INTS9: variants seen among roughly 807,000 people sequenced by gnomAD.
INTS9 encodes protein related to CPSF subunits of 74 kDa.
A neutral mutation model predicts 79.7 loss-of-function variants in INTS9; 55 were observed. That is an observed-to-expected ratio of 0.69 (90% CI 0.56 to 0.86). The LOEUF is 0.86. Ranked by LOEUF, INTS9 falls within the 40% of genes least tolerant of loss-of-function variation. The probability of loss-of-function intolerance (pLI) is 0.00; values close to 1 mark genes in which losing one functional copy is unlikely to be tolerated. For synonymous variants in INTS9, 319 were observed against 325.2 expected (o/e 0.98, Z 0.20); for missense variants, 721 against 831.5 (o/e 0.87, Z 1.64).
intron 1 of INTS9, among the ~76,000 whole-genome samples, chr8:28,863,330 A>G (rs915384675): frequency 6.6e-6 from 1 of 152,242 alleles, no homozygotes; most frequent in African/African-American, 2.4e-5. Flanking sequence ...TTAATTAAAA[A>G]GCTACAAGTT....
chr8:28,813,167 A>G (rs989190461), intron 7 of INTS9, among the ~76,000 whole-genome samples: 8 of 152,190 alleles, frequency 5.3e-5, no homozygotes, highest in African/African-American at 1.9e-4. Flanking sequence ...CATTTAGGTC[A>G]GAGCTCAAAA....
intron 1 of INTS9, among the ~76,000 whole-genome samples, chr8:28,887,663 C>G (rs1810241206): frequency 6.6e-6 from 1 of 152,224 alleles, no homozygotes; most frequent in Admixed American, 6.5e-5. Flanking sequence ...GGAGGCATGA[C>G]ACACCCATCT....
intron 5 of INTS9, 47 bp downstream of exon 5, chr8:28,837,590 G>A (rs779158647): frequency 4.4e-6 from 7 of 1,589,820 alleles, no homozygotes; most frequent in Non-Finnish European, 5.1e-6. Context: ...CACTGAGGGA[G>A]GAGCTCCGCA....
chr8:28,787,814 ATTTTG>A lies in INTS9; in HGVS notation c.1098+10_1098+14del, dbSNP rs768621140. 6.3e-7 allele frequency: 1 copy of A among 1,591,170 alleles called. No homozygotes were observed. The highest frequency in any genetic ancestry group is 1.3e-5 in the African/African-American group (1 of 74,624). ...ATTGCTTCCTTCCCATGTCCCAGTG[ATTTTG>A]TTTTCTTACCTCTGCATGAGGAAAA... On this transcript the variant is annotated intron_variant, in intron 11 of 16. Coordinates refer to ENST00000521022, the MANE Select transcript of INTS9 (RefSeq NM_018250.4).
chr8:28,783,771 GT>G (rs1415153301), intron 11 of INTS9: 1 of 152,192 alleles, frequency 6.6e-6, no homozygotes, highest in African/African-American at 2.4e-5. Context: ...TAGTCTGCAA[GT>G]TGAACTGACA....
At chr8:28,774,803 A>G (rs752005322) in intron 14 of INTS9, among the ~76,000 whole-genome samples, 2 of 152,222 alleles carry the variant, frequency 1.3e-5, no homozygotes, top group Non-Finnish European at 2.9e-5. Context: ...AGCCAGAGGT[A>G]GCCTCCAACC....
At chr8:28,807,707 G>A (rs1804887427) in intron 8 of INTS9, among the ~76,000 whole-genome samples, 2 of 152,128 alleles carry the variant, frequency 1.3e-5, no homozygotes, top group African/African-American at 4.8e-5. Flanking sequence ...TCAGAAAGTT[G>A]GGGATAAAGG....
At chr8:28,885,782 C>A (rs908499089) in intron 1 of INTS9, among the ~76,000 whole-genome samples, 4 of 152,176 alleles carry the variant, frequency 2.6e-5, no homozygotes, top group Non-Finnish European at 5.9e-5. Flanking sequence ...GCTGAACTGG[C>A]CATCAGCGTA....
chr8:28,877,504 C>G (rs1205874743), intron 1 of INTS9, among the ~76,000 whole-genome samples: 1 of 152,002 alleles, frequency 6.6e-6, no homozygotes, highest in Non-Finnish European at 1.5e-5. Context: ...TGCAATAAAC[C>G]TTAATAAAAA....
At chr8:28,792,810 G>C (rs187298821) in intron 10 of INTS9, among the ~76,000 whole-genome samples, 116 of 152,144 alleles carry the variant, frequency 7.6e-4, no homozygotes, top group African/African-American at 2.6e-3. Context: ...CTTCTTCGGA[G>C]GCTGAGGCAG....
Position 28,768,074 on chromosome 8 carries a change from C to T in INTS9, c.*72G>A, listed in dbSNP as rs1802311222. The T allele has an allele frequency of 1.4e-6, 2 of 1,421,726 alleles. No individual in the cohort carries two copies. Among genetic ancestry groups the T allele is most frequent in the Non-Finnish European group, 2.0e-6 (2 of 1,012,282 alleles). 88.1% of individuals were successfully genotyped at this position (1,421,726 alleles called of 1,614,324 possible). A position where few individuals can be genotyped will look rare whatever the true frequency, so the allele number is the denominator to read the frequency against. Reference sequence around the variant, plus strand: ...ACACAGTTAATGGCCTCTCATGCCACTCCTCAGGTGGCTTGTGAGGGCAGC... The same window carrying T: ...ACACAGTTAATGGCCTCTCATGCCATTCCTCAGGTGGCTTGTGAGGGCAGC... On this transcript the variant is annotated 3_prime_UTR_variant, in exon 17 of 17. Transcript: ENST00000521022.
intron 8 of INTS9, among the ~76,000 whole-genome samples, chr8:28,801,838 C>A (rs1302475824): frequency 1.3e-5 from 2 of 152,156 alleles, no homozygotes; most frequent in Non-Finnish European, 2.9e-5. Flanking sequence ...GTCTCAAACT[C>A]CTGGGCTCAA....
rs140749516 is a variant in INTS9, at chr8:28,863,677, A to G, written c.10-4114T>C. On this transcript the variant is annotated intron_variant, in intron 1 of 16. Transcript: ENST00000521022. ...TGTAATCCCAGCTACTTGTGAGGCTAAGGCTGAGGCAGGAGAATCATTTGA... is the reference window on the plus strand; with the variant it reads ...TGTAATCCCAGCTACTTGTGAGGCTGAGGCTGAGGCAGGAGAATCATTTGA... Among the ~76,000 whole-genome samples the G allele has an allele frequency of 4.0e-3, 604 of 152,204 alleles. 3 individuals are homozygous for G. Among genetic ancestry groups the G allele is most frequent in the African/African-American group, 0.014 (571 of 41,568 alleles).
intron 5 of INTS9, 86 bp from the exon 6 acceptor site, chr8:28,835,464 C>CG: frequency 5.3e-6 from 4 of 753,802 alleles, no homozygotes; most frequent in South Asian, 1.9e-5. Flanking sequence ...GGAGAAATGA[C>CG]TTGCCCACCT....
At chr8:28,888,455 C>T (rs199705201) in intron 1 of INTS9, among the ~76,000 whole-genome samples, 1 of 137,196 alleles carries the variant, frequency 7.3e-6, no homozygotes, top group Non-Finnish European at 1.6e-5. Context: ...ACTGACGCGG[C>T]GAGAGGATCG....
chr8:28,777,904 G>T lies in INTS9; in HGVS notation c.1320C>A (p.Ala440=). 6.2e-7 allele frequency: 1 copy of T among 1,612,824 alleles called. No individual in the cohort carries two copies. The highest frequency in any genetic ancestry group is 8.5e-7 in the Non-Finnish European group (1 of 1,179,400). ...CGATGGGGCAGTAGATGCATTTCATGGCCAGCGGCTGGTAAGGAGCCAGGG... is the reference window on the plus strand; with the variant it reads ...CGATGGGGCAGTAGATGCATTTCATTGCCAGCGGCTGGTAAGGAGCCAGGG... ...LEALAPYQPL[A]MKCIYCPIDT... The change falls in exon 13 of 17, where the codon GCC becomes GCA. Residue 440 remains alanine (A), a synonymous_variant. Coordinates refer to ENST00000521022, the MANE Select transcript of INTS9 (RefSeq NM_018250.4).
rs1327952678 is a variant in INTS9, at chr8:28,859,449, G to C, written c.124C>G (p.Pro42Ala). 6 of 1,613,958 alleles carry C rather than the reference G, an allele frequency of 3.7e-6. No homozygotes were observed. The highest frequency in any genetic ancestry group is 1.1e-5 in the South Asian group (1 of 91,080). ...MTSTLNFLPL[P>A]LVQSPRLSNL... is the part of the protein sequence containing the mutation. ...ACCAGCACATACCTTTGAACAAGTG[G>C]CAAAGGAAGGAAATTGAGGGTAGAA... The change falls in exon 2 of 17, where the codon CCA becomes GCA. Residue 42 changes from proline to alanine, a missense_variant. By Grantham distance (27) the Pro-to-Ala change is conservative (BLOSUM62 -1). Around this residue, in one of 3 missense-constraint regions of INTS9, gnomAD observed 291 missense variants for 307.0 expected, o/e 0.95. Coordinates refer to ENST00000521022, the MANE Select transcript of INTS9 (RefSeq NM_018250.4).
chr8:28,768,502 C>T (rs750000846), intron 16 of INTS9, 180 bp from the exon 17 acceptor site: 25 of 623,052 alleles, frequency 4.0e-5, no homozygotes, highest in Non-Finnish European at 6.4e-5. Flanking sequence ...AGACCCTAAA[C>T]ATGCAAAAGC....
chr8:28,802,896 G>C (rs1463782333), intron 8 of INTS9, among the ~76,000 whole-genome samples: 2 of 149,554 alleles, frequency 1.3e-5, no homozygotes. Context: ...AATCACTTGA[G>C]CCCAGGAGTT....
Sources: allele counts gnomAD v4.1 joint callset (sites outside exome capture counted in the v4.1 genomes callset), GRCh38; gene constraint gnomAD v4.1.1; regional missense constraint gnomAD v4.1.1; transcripts MANE v1.5; gene names NCBI Gene and HGNC (gene_info 2026-07-23, HGNC 2026-07-21).